Variants in TMEM229B observed in about 807,000 individuals in gnomAD.
The protein encoded by TMEM229B is transmembrane protein 229B.
In TMEM229B, 6 loss-of-function variants were observed where a neutral mutation model predicts 13.7. The ratio of observed to expected loss-of-function variants is 0.44; its 90% CI spans 0.24 to 0.86. The LOEUF is 0.86. Ranked by LOEUF, TMEM229B falls within the 40% of genes least tolerant of loss-of-function variation. The probability of loss-of-function intolerance (pLI) is 0.23; values close to 1 mark genes in which losing one functional copy is unlikely to be tolerated. For missense variants in TMEM229B, 170 were observed against 236.0 expected (o/e 0.72, Z 1.83); for synonymous variants, 107 against 102.1 (o/e 1.05, Z -0.29).
upstream of TMEM229B, among the ~76,000 whole-genome samples, chr14:67,518,816 C>A (rs11158676): frequency 0.35 from 52,956 of 151,966 alleles, 10,130 homozygotes; most frequent in East Asian, 0.43. Flanking sequence ...AGAGATGTGG[C>A]TCAAGAGGGT....
upstream of TMEM229B, among the ~76,000 whole-genome samples, chr14:67,493,443 G>C (rs1164127289): frequency 6.6e-6 from 1 of 152,134 alleles, no homozygotes; most frequent in African/African-American, 2.4e-5. Context: ...TCTGTGTTAG[G>C]GATAAAAACC....
intron 2 of TMEM229B, among the ~76,000 whole-genome samples, chr14:67,479,431 GT>G (rs2031443599): frequency 1.4e-5 from 2 of 147,928 alleles, no homozygotes; most frequent in South Asian, 4.3e-4. Context: ...AAAAATGCTT[GT>G]GGAAGCTGGG....
At position 67,496,391 on chromosome 14, in the gene TMEM229B, GTTTTTT is replaced by G. The variant is rs555715850; in HGVS notation, c.-191-9225_-191-9220del. ...TACAGGTGTGAGCCACTGCTCCGGC[GTTTTTT>G]TTTTTTTTTTTTTTTTTTTTTTTTG... On this transcript the variant is annotated intron_variant, in intron 1 of 2. Transcript: ENST00000357461. 7.0e-4 allele frequency among the ~76,000 whole-genome samples: 21 copies of G among 30,104 alleles called. No individual in the cohort carries two copies. In the East Asian group the frequency reaches 0.023, roughly 33 times the overall value. The allele number at this position is 30,104 out of a possible 152,430, so 19.7% of individuals were successfully genotyped here.
chr14:67,529,072 A>G (rs979058407), intron 1 of TMEM229B, among the ~76,000 whole-genome samples: 1 of 151,942 alleles, frequency 6.6e-6, no homozygotes, highest in Non-Finnish European at 1.5e-5. Context: ...TACACCTTCA[A>G]GTTCCCTCCT....
At chr14:67,530,135 C>T (rs566730362) in intron 1 of TMEM229B, among the ~76,000 whole-genome samples, 2 of 152,274 alleles carry the variant, frequency 1.3e-5, no homozygotes, top group Admixed American at 6.5e-5. Flanking sequence ...ATCTTGTAAA[C>T]AGAGATTTAC....
intron 1 of TMEM229B, among the ~76,000 whole-genome samples, chr14:67,494,868 T>C (rs1256078608): frequency 1.3e-5 from 2 of 152,102 alleles, no homozygotes; most frequent in East Asian, 3.8e-4. Flanking sequence ...TCCCAGCGCT[T>C]TGAGAGGCTG....
At chr14:67,511,107 C>T (rs1165819667) in intron 1 of TMEM229B, among the ~76,000 whole-genome samples, 1 of 152,160 alleles carries the variant, frequency 6.6e-6, no homozygotes, top group Non-Finnish European at 1.5e-5. Context: ...ACGGATCATT[C>T]CAGAAGCTCA....
intron 1 of TMEM229B, among the ~76,000 whole-genome samples, chr14:67,495,146 T>A (rs2032317237): frequency 6.6e-6 from 1 of 152,134 alleles, no homozygotes; most frequent in Admixed American, 6.5e-5. Context: ...GGAACAGACA[T>A]GGAGGCAAAT....
upstream of TMEM229B, among the ~76,000 whole-genome samples, chr14:67,490,688 T>G (rs187729715): frequency 7.8e-4 from 118 of 152,072 alleles, no homozygotes; most frequent in South Asian, 8.5e-3. Context: ...AAATCAGATC[T>G]CTCTCCCCGG....
upstream of TMEM229B, among the ~76,000 whole-genome samples, chr14:67,489,787 G>A (rs1052034725): frequency 4.6e-5 from 7 of 152,120 alleles, no homozygotes; most frequent in East Asian, 1.9e-4. Context: ...TCAGGAGATC[G>A]AGACCATCCT....
chr14:67,499,679 G>C (rs1402416969), intron 1 of TMEM229B, among the ~76,000 whole-genome samples: 1 of 152,146 alleles, frequency 6.6e-6, no homozygotes, highest in East Asian at 1.9e-4. Context: ...GACAGGAATA[G>C]GGGCAGAGAA....
At chr14:67,513,868 G>T (rs762173437) in intron 1 of TMEM229B, among the ~76,000 whole-genome samples, 1 of 152,162 alleles carries the variant, frequency 6.6e-6, no homozygotes, top group Non-Finnish European at 1.5e-5. Context: ...AGAACTGAAG[G>T]CACCTTGTTC....
At chr14:67,520,149 G>A (rs774587746), upstream of TMEM229B, among the ~76,000 whole-genome samples, 2 of 152,158 alleles carry the variant, frequency 1.3e-5, no homozygotes, top group Admixed American at 1.3e-4. Flanking sequence ...CACCAGAGTC[G>A]TATATTTGTT....
At chr14:67,485,666 C>T (rs189795210) in intron 2 of TMEM229B, among the ~76,000 whole-genome samples, 11 of 152,346 alleles carry the variant, frequency 7.2e-5, no homozygotes, top group African/African-American at 2.6e-4. Flanking sequence ...TAACAGCCTT[C>T]AGGCCAGACA....
upstream of TMEM229B, among the ~76,000 whole-genome samples, chr14:67,491,714 A>G (rs575227625): frequency 5.3e-5 from 8 of 152,326 alleles, no homozygotes; most frequent in African/African-American, 1.9e-4. Context: ...CACGTGACTC[A>G]GAACAACCAC....
At chr14:67,525,643 G>A (rs1197191669) in intron 1 of TMEM229B, among the ~76,000 whole-genome samples, 1 of 152,236 alleles carries the variant, frequency 6.6e-6, no homozygotes, top group African/African-American at 2.4e-5. Context: ...ACATTTTAGT[G>A]ATTCTTCCCT....
At chr14:67,504,710 C>A (rs550437263) in intron 1 of TMEM229B, among the ~76,000 whole-genome samples, 3 of 152,274 alleles carry the variant, frequency 2.0e-5, no homozygotes, top group Admixed American at 2.0e-4. Flanking sequence ...CTTGGTGAAA[C>A]CCTGTCTCTA....
intron 2 of TMEM229B, among the ~76,000 whole-genome samples, chr14:67,476,182 G>A (rs565824817): frequency 6.6e-6 from 1 of 152,358 alleles, no homozygotes; most frequent in South Asian, 2.1e-4. Context: ...GGGAATTCCA[G>A]CCTCACATTT....
chr14:67,473,278 G>C lies in TMEM229B; in HGVS notation c.*142C>G. ...CCCCCCAACACCGGCCCCCGCGGAC[G>C]TTAGGGGGCTCTGTGTGCCCTATAG... is the stretch of plus-strand genomic sequence containing the variant. On this transcript the variant is annotated 3_prime_UTR_variant, in exon 3 of 3. Transcript: ENST00000554480. The surrounding 1 kb of genome is among the most constrained non-coding windows in gnomAD (Gnocchi z 6.5). 1 of 1,198,442 alleles carries C rather than the reference G, an allele frequency of 8.3e-7. No individual in the cohort carries two copies. The highest frequency in any genetic ancestry group is 1.2e-6 in the Non-Finnish European group (1 of 855,132). 74.2% of individuals were successfully genotyped at this position (1,198,442 alleles called of 1,614,324 possible).
Sources: gnomAD v4.1 joint callset for allele counts (sites outside exome capture counted in the v4.1 genomes callset) on GRCh38, gnomAD v4.1.1 for gene constraint, Gnocchi (gnomAD v3.1) non-coding constraint, MANE v1.5 for transcripts, NCBI Gene and HGNC (gene_info 2026-07-23, HGNC 2026-07-21) for gene names.